SP140L: variants seen among roughly 807,000 people sequenced by gnomAD.
SP140L encodes the protein nuclear body protein SP140-like protein.
Under a neutral mutation model 84.3 loss-of-function variants are expected in SP140L, and 64 were observed. The observed-to-expected ratio is 0.76, with a 90% CI of 0.62 to 0.94. SP140L has a LOEUF of 0.94. Ranked by LOEUF, SP140L falls within the 40% of genes least tolerant of loss-of-function variation. SP140L has a pLI of 0.00. For synonymous variants in SP140L, 242 were observed against 236.9 expected (o/e 1.02, Z -0.20); for missense variants, 628 against 692.5 (o/e 0.91, Z 1.05).
chr2:230,331,548 G>C (rs1193382849), intron 2 of SP140L, among the ~76,000 whole-genome samples: 1 of 151,910 alleles, frequency 6.6e-6, no homozygotes, highest in Non-Finnish European at 1.5e-5. Context: ...TGTCTTGCTG[G>C]GATTCAACTG....
At position 230,342,611 on chromosome 2, in the gene SP140L, G is replaced by T. The variant is rs768386673; in HGVS notation, c.107+13780G>T. Among the ~76,000 whole-genome samples the T allele has an allele frequency of 2.6e-4, 39 of 152,036 alleles. 1 individual carries two copies. The highest frequency in any genetic ancestry group is 9.8e-4 in the Admixed American group (15 of 15,262). ...CTCTTCAGATTATCTGTTTTTTCAT[G>T]ATTCAGTCTTGGTAGGTTGTATGTT... On this transcript the variant is annotated intron_variant, in intron 2 of 18. Coordinates refer to ENST00000415673, the MANE Select transcript of SP140L (RefSeq NM_138402.6).
intron 11 of SP140L, among the ~76,000 whole-genome samples, chr2:230,391,307 A>G (rs1032347982): frequency 6.6e-6 from 1 of 152,238 alleles, no homozygotes; most frequent in Non-Finnish European, 1.5e-5. Flanking sequence ...TGTTTTCCAC[A>G]GTAGCTGCAC....
At chr2:230,350,830 A>G (rs971466922) in intron 2 of SP140L, among the ~76,000 whole-genome samples, 3 of 152,196 alleles carry the variant, frequency 2.0e-5, no homozygotes, top group Non-Finnish European at 4.4e-5. Context: ...TCAAGGATCA[A>G]AAAGAGACAA....
At chr2:230,346,601 G>A (rs113588797) in intron 2 of SP140L, among the ~76,000 whole-genome samples, 2 of 152,030 alleles carry the variant, frequency 1.3e-5, no homozygotes, top group African/African-American at 4.8e-5. Context: ...GCTCCTCTAA[G>A]TAGATAATTT....
rs1305928256 is a variant in SP140L at position 230,400,957 on chromosome 2, C to A, written c.1316C>A (p.Thr439Asn). Reference sequence around the variant, plus strand: ...CTCACCCATGTCCAATCTCTCAGGACCCCGTGGAATTGCATCTTCTGCAGG... The same window carrying A: ...CTCACCCATGTCCAATCTCTCAGGAACCCGTGGAATTGCATCTTCTGCAGG... The part of the protein sequence containing the change: ...CHIPPVESEK[T>N]PWNCIFCRMK... The change falls in exon 16 of 19, where the codon ACC becomes AAC. Residue 439 changes from threonine (T) to asparagine (N), a missense_variant and splice_region_variant. By Grantham distance (65) the Thr-to-Asn change is moderately conservative (BLOSUM62 0). Coordinates refer to ENST00000415673, the MANE Select transcript of SP140L (RefSeq NM_138402.6). The A allele has an allele frequency of 1.1e-5, 16 of 1,519,400 alleles. No individual in the cohort carries two copies. The African/African-American group carries it at 2.1e-4, about 20-fold the overall frequency. 94.1% of individuals were successfully genotyped at this position (1,519,400 alleles called of 1,614,324 possible). A position where few individuals can be genotyped will look rare whatever the true frequency, so the allele number is the denominator to read the frequency against.
intron 5 of SP140L, among the ~76,000 whole-genome samples, chr2:230,366,011 G>A (rs912657279): frequency 3.3e-5 from 5 of 151,936 alleles, no homozygotes; most frequent in Non-Finnish European, 5.9e-5. Context: ...TTCAACCTTC[G>A]TGACTTTAAG....
chr2:230,353,811 A>T (rs2060438062), intron 2 of SP140L, among the ~76,000 whole-genome samples: 2 of 152,078 alleles, frequency 1.3e-5, no homozygotes, highest in African/African-American at 4.8e-5. Context: ...TTTCTCTAAA[A>T]ATGCAAACTA....
rs745700618 is a variant in SP140L, at chr2:230,401,790, C to T, written c.1627C>T (p.His543Tyr). The change falls in exon 18 of 19, where the codon CAC becomes TAC. Residue 543 changes from histidine (H) to tyrosine (Y), a missense_variant. By Grantham distance (83) the His-to-Tyr change is moderately conservative. Around this residue, in one of 4 missense-constraint regions of SP140L, gnomAD observed 7 missense variants for 51.0 expected, o/e 0.14. Coordinates refer to ENST00000415673, the MANE Select transcript of SP140L (RefSeq NM_138402.6). ...AGACATGCGCCTCATCTTCCAGAAC[C>T]ACAGGGCCTCTTACAAGGTAGGTGG... ...VQDMRLIFQN[H>Y]RASYKYKDFG... 1 of 1,515,142 alleles carries T rather than the reference C, an allele frequency of 6.6e-7. No homozygotes were observed. The highest frequency in any genetic ancestry group is 2.3e-5 in the East Asian group (1 of 44,166). The allele number at this position is 1,515,142 out of a possible 1,614,324, so 93.9% of individuals were successfully genotyped here. A position where few individuals can be genotyped will look rare whatever the true frequency, so the allele number is the denominator to read the frequency against.
intron 2 of SP140L, among the ~76,000 whole-genome samples, chr2:230,342,823 A>C (rs1366783144): frequency 1.3e-5 from 2 of 151,286 alleles, no homozygotes; most frequent in Non-Finnish European, 2.9e-5. Context: ...TTTTTTTAAA[A>C]TCTTTTCAAA....
intron 2 of SP140L, among the ~76,000 whole-genome samples, chr2:230,329,468 C>A (rs2059667970): frequency 1.3e-5 from 2 of 152,170 alleles, no homozygotes. Context: ...CCACCCAAAT[C>A]TCATCTTGAA....
chr2:230,344,401 T>A (rs1412773578), intron 2 of SP140L, among the ~76,000 whole-genome samples: 1 of 152,246 alleles, frequency 6.6e-6, no homozygotes, highest in Non-Finnish European at 1.5e-5. Flanking sequence ...GTTTTGAGCC[T>A]ATGTGTATCT....
intron 2 of SP140L, among the ~76,000 whole-genome samples, chr2:230,349,748 T>G (rs1248365878): frequency 1.3e-5 from 2 of 152,094 alleles, no homozygotes; most frequent in Non-Finnish European, 2.9e-5. Context: ...GTGGCTCATG[T>G]CTGTAAACCC....
chr2:230,356,400 A>T (rs148307725), intron 2 of SP140L, among the ~76,000 whole-genome samples: 45 of 152,324 alleles, frequency 3.0e-4, no homozygotes, highest in African/African-American at 9.4e-4. Flanking sequence ...ACACAATGGA[A>T]TACCACTCAA....
chr2:230,381,130 TG>T (rs67276734), intron 7 of SP140L, among the ~76,000 whole-genome samples: 34,935 of 149,200 alleles, frequency 0.23, 4,257 homozygotes, highest in Non-Finnish European at 0.28. Context: ...AGGAAACCCA[TG>T]GGGTTTGCTA....
intron 4 of SP140L, among the ~76,000 whole-genome samples, chr2:230,359,515 T>C (rs1168593660): frequency 1.3e-5 from 2 of 152,186 alleles, no homozygotes; most frequent in African/African-American, 2.4e-5. Context: ...AGTTTAGCTG[T>C]GGGTGCAGGA....
intron 14 of SP140L, 48 bp from the exon 15 acceptor site, chr2:230,400,079 C>T (rs1469891515): frequency 4.4e-6 from 7 of 1,606,822 alleles, no homozygotes; most frequent in Non-Finnish European, 4.3e-6. Flanking sequence ...GGGTGGCCTT[C>T]CTGAATCTTG....
chr2:230,381,042 A>T (rs13409103), intron 7 of SP140L, among the ~76,000 whole-genome samples: 34,916 of 152,000 alleles, frequency 0.23, 4,238 homozygotes, highest in Non-Finnish European at 0.28. Flanking sequence ...TCAAGACCCA[A>T]GAAAAGGATG....
intron 2 of SP140L, among the ~76,000 whole-genome samples, chr2:230,334,089 G>A (rs953978442): frequency 3.3e-5 from 5 of 152,268 alleles, no homozygotes; most frequent in Admixed American, 1.3e-4. Flanking sequence ...ATTTCAGAAC[G>A]AGACACTAGA....
intron 4 of SP140L, among the ~76,000 whole-genome samples, chr2:230,360,646 C>A (rs1194051108): frequency 6.6e-6 from 1 of 152,150 alleles, no homozygotes; most frequent in East Asian, 1.9e-4. Flanking sequence ...GCATGGACTG[C>A]AGGGATTCCC....
Sources: allele counts gnomAD v4.1 joint callset (sites outside exome capture counted in the v4.1 genomes callset), GRCh38; gene constraint gnomAD v4.1.1; regional missense constraint gnomAD v4.1.1; transcripts MANE v1.5; gene names NCBI Gene and HGNC (gene_info 2026-07-23, HGNC 2026-07-21).